PCDHA10: variants seen among roughly 807,000 people sequenced by gnomAD.
The protein encoded by PCDHA10 is protocadherin alpha 10.
Under a neutral mutation model 61.2 loss-of-function variants are expected in PCDHA10, and 45 were observed. That is an observed-to-expected ratio of 0.74 (90% CI 0.58 to 0.94). PCDHA10 has a LOEUF of 0.94. PCDHA10 is among the 40% of genes least tolerant of loss of function. The pLI is 0.00. For synonymous variants in PCDHA10, 602 were observed against 548.8 expected, an observed-to-expected ratio of 1.10 and a Z score of -1.35; for missense variants, 1,278 against 1,236.2, an observed-to-expected ratio of 1.03 and a Z score of -0.51.
intron 1 of PCDHA10, chr5:140,875,972 T>C (rs782102743): frequency 3.1e-6 from 5 of 1,614,068 alleles, no homozygotes; most frequent in Non-Finnish European, 4.2e-6. Flanking sequence ...GTAAACTCTC[T>C]TTTGACCTAT....
Position 141,009,779 on chromosome 5 carries a change from A to G in PCDHA10, c.2689A>G (p.Ile897Val), listed in dbSNP as rs1289763016. 3.7e-6 allele frequency: 6 copies of G among 1,613,952 alleles called. No individual in the cohort carries two copies. Among genetic ancestry groups the G allele is most frequent in the Non-Finnish European group, 5.1e-6 (6 of 1,180,030 alleles). ...CCCAGGATCTCCTGCAATCATCTCCATCCGGCAGGAGCCTACTAACAGCCA... is the reference window on the plus strand; with the variant it reads ...CCCAGGATCTCCTGCAATCATCTCCGTCCGGCAGGAGCCTACTAACAGCCA... ...IIPGSPAIIS[I>V]RQEPTNSQID... The change falls in exon 4 of 4, where the codon ATC becomes GTC. Residue 897 changes from isoleucine to valine, a missense_variant. Coordinates refer to ENST00000307360, the MANE Select transcript of PCDHA10 (RefSeq NM_018901.4).
At chr5:140,895,851 C>T (rs2065201261) in intron 1 of PCDHA10, among the ~76,000 whole-genome samples, 1 of 152,078 alleles carries the variant, frequency 6.6e-6, no homozygotes, top group Admixed American at 6.6e-5. Flanking sequence ...CACTCTTGTA[C>T]CCCAGGCTGG....
intron 1 of PCDHA10, among the ~76,000 whole-genome samples, chr5:140,885,454 C>T (rs2060601415): frequency 6.6e-6 from 1 of 152,054 alleles, no homozygotes; most frequent in Admixed American, 6.5e-5. Flanking sequence ...TATTATTTAC[C>T]TAATGATGGG....
intron 1 of PCDHA10, among the ~76,000 whole-genome samples, chr5:140,942,138 T>C (rs1269073266): frequency 1.3e-5 from 2 of 152,240 alleles, no homozygotes; most frequent in African/African-American, 4.8e-5. Flanking sequence ...TTTGTGGCTT[T>C]ACTTGACATA....
intron 1 of PCDHA10, among the ~76,000 whole-genome samples, chr5:140,910,278 A>G (rs1261965132): frequency 6.6e-6 from 1 of 151,132 alleles, no homozygotes; most frequent in Non-Finnish European, 1.5e-5. Flanking sequence ...TTCTAGGAAC[A>G]CCATGATTAA....
intron 1 of PCDHA10, among the ~76,000 whole-genome samples, chr5:140,946,591 A>C (rs972556402): frequency 5.0e-5 from 6 of 119,488 alleles, no homozygotes; most frequent in African/African-American, 2.1e-4. Context: ...ATAGTGGATG[A>C]ATAGATAAAG....
intron 1 of PCDHA10, chr5:140,875,985 G>C (rs1351463699): frequency 1.8e-5 from 29 of 1,613,832 alleles, no homozygotes; most frequent in Non-Finnish European, 2.3e-5. Context: ...TGACCTATGC[G>C]TTAAGTCTAA....
At chr5:140,942,418 A>G (rs1554214971) in intron 1 of PCDHA10, among the ~76,000 whole-genome samples, 2 of 152,146 alleles carry the variant, frequency 1.3e-5, no homozygotes, top group South Asian at 2.1e-4. Flanking sequence ...TTAAAAAAAA[A>G]AAAGATATCT....
Position 140,856,218 on chromosome 5 carries a change from A to C in PCDHA10, c.170A>C (p.Glu57Ala). The C allele has an allele frequency of 6.3e-7, 1 of 1,597,930 alleles. No homozygotes were observed. The highest frequency in any genetic ancestry group is 8.6e-7 in the Non-Finnish European group (1 of 1,167,828). Reference protein sequence around the residue: ...IAQDLGLELAELVQRLFRVAS... With the variant: ...IAQDLGLELAALVQRLFRVAS... ...CAGGACCTGGGGCTGGAGCTGGCGG[A>C]GCTGGTGCAGCGCCTGTTCCGGGTG... The change falls in exon 1 of 4, where the codon GAG becomes GCG. Residue 57 changes from glutamate to alanine, a missense_variant. Physicochemically the swap from Glu to Ala is moderately radical, Grantham distance 107. Transcript: ENST00000307360.
At chr5:140,929,276 G>A (rs1554206920) in intron 1 of PCDHA10, 2 of 1,604,822 alleles carry the variant, frequency 1.2e-6, no homozygotes, top group African/African-American at 1.3e-5. Flanking sequence ...CCAATATCCT[G>A]TATTCAGATT....
At position 140,883,390 on chromosome 5, in the gene PCDHA10, G is replaced by A. The variant is rs373348994; in HGVS notation, c.2388+24954G>A. The A allele has an allele frequency of 2.5e-6, 4 of 1,614,050 alleles. No homozygotes were observed. The African/African-American group carries it at 5.3e-5, about 22-fold the overall frequency. ...GCGCCATTATTGCCCTAATCAGTGT[G>A]TCCGATCGTGACTCTGGCTCAAATG... is the stretch of plus-strand genomic sequence containing the variant. On this transcript the variant is annotated intron_variant, in intron 1 of 3. Coordinates refer to ENST00000307360, the MANE Select transcript of PCDHA10 (RefSeq NM_018901.4).
intron 1 of PCDHA10, chr5:140,864,163 C>T (rs2048345363): frequency 6.6e-6 from 1 of 152,054 alleles, no homozygotes; most frequent in South Asian, 2.1e-4. Context: ...TTAAATCTTA[C>T]CGGAAGGATC....
intron 1 of PCDHA10, among the ~76,000 whole-genome samples, chr5:140,964,058 A>C (rs147228403): frequency 1.4e-3 from 207 of 152,356 alleles, no homozygotes; most frequent in Admixed American, 4.3e-3. Flanking sequence ...TGGTGTGGTC[A>C]AGGCATTAGT....
Position 140,856,441 on chromosome 5 carries a change from G to T in PCDHA10, c.393G>T (p.Arg131Ser). The T allele has an allele frequency of 6.3e-7, 1 of 1,598,410 alleles. No homozygotes were observed. Among genetic ancestry groups the T allele is most frequent in the East Asian group, 2.2e-5 (1 of 44,864 alleles). Residue 131 changes from arginine to serine, a missense_variant, in exon 1 of 4, where the codon AGG (arginine) becomes AGT (serine). Coordinates refer to ENST00000307360, the MANE Select transcript of PCDHA10 (RefSeq NM_018901.4). ...EVKDINDNPP[R>S]FSVTEQKLSI... The stretch of plus-strand genomic sequence containing the variant: ...AGGACATTAACGACAACCCGCCCAG[G>T]TTCTCCGTAACAGAACAAAAGCTCT...
At chr5:140,865,398 G>T (rs1554159421) in intron 1 of PCDHA10, 1 of 152,138 alleles carries the variant, frequency 6.6e-6, no homozygotes, top group African/African-American at 2.4e-5. Flanking sequence ...TAATATAAAT[G>T]CTGAAAAGGA....
intron 1 of PCDHA10, among the ~76,000 whole-genome samples, chr5:140,964,638 A>T (rs1402541821): frequency 3.9e-5 from 6 of 152,098 alleles, no homozygotes; most frequent in Admixed American, 2.0e-4. Context: ...ATTTATTTTC[A>T]GAAACAAGTA....
chr5:140,986,291 A>C (rs1554247870), intron 3 of PCDHA10, among the ~76,000 whole-genome samples: 1 of 152,142 alleles, frequency 6.6e-6, no homozygotes, highest in East Asian at 1.9e-4. Context: ...CTTGAGACTG[A>C]GCAGAGAGAG....
rs73793550 is a variant in PCDHA10 at position 140,989,564 on chromosome 5, C to T, written c.2536+7001C>T. On this transcript the variant is annotated intron_variant, in intron 3 of 3. Transcript: ENST00000307360. ...GTAATTCCTTTACGTTTTGTGGCTC[C>T]GGCAAGCCCTGTCCTCAGCCTCACT... is the stretch of plus-strand genomic sequence containing the variant. Among the ~76,000 whole-genome samples the T allele has an allele frequency of 6.0e-3, 907 of 152,216 alleles. 13 individuals carry two copies. Among genetic ancestry groups the T allele is most frequent in the African/African-American group, 0.021 (852 of 41,530 alleles).
intron 1 of PCDHA10, among the ~76,000 whole-genome samples, chr5:140,890,025 T>G (rs1438426095): frequency 2.0e-5 from 3 of 152,178 alleles, no homozygotes; most frequent in African/African-American, 7.2e-5. Context: ...TGTAGAAGGC[T>G]TCAGGTGACT....
Sources: gnomAD v4.1 joint callset for allele counts (sites outside exome capture counted in the v4.1 genomes callset) on GRCh38, gnomAD v4.1.1 for gene constraint, MANE v1.5 for transcripts, NCBI Gene and HGNC (gene_info 2026-07-23, HGNC 2026-07-21) for gene names.